The following KRR1 variants were observed in gnomAD, a reference collection of about 807,000 sequenced individuals.
KRR1 encodes KRR1 small subunit processome component homolog.
KRR1 carries 23 observed loss-of-function variants against 50.0 expected under a neutral mutation model. The observed-to-expected ratio is 0.46, with a 90% confidence interval of 0.33 to 0.65. The LOEUF is 0.65. Ranked by LOEUF, KRR1 falls within the 30% of genes least tolerant of loss-of-function variation. The pLI is 0.02. For missense variants in KRR1, 419 were observed against 442.4 expected, an observed-to-expected ratio of 0.95 and a Z score of 0.47; for synonymous variants, 133 against 146.3, an observed-to-expected ratio of 0.91 and a Z score of 0.66.
chr12:75,505,204 G>A lies in KRR1; in HGVS notation c.654C>T (p.Asn218=), dbSNP rs745412282. 1.3e-6 allele frequency: 2 copies of A among 1,560,566 alleles called. No individual in the cohort carries two copies. Among genetic ancestry groups the A allele is most frequent in the Admixed American group, 1.8e-5 (1 of 54,198 alleles). The part of the protein sequence containing the change: ...DTMKNIHPIY[N]IKSLMIKREL... ...ATATATAATTACCACTCACTTTAATGTTATAAATTGGATGAATATTCTTCA... is the reference window on the plus strand; with the variant it reads ...ATATATAATTACCACTCACTTTAATATTATAAATTGGATGAATATTCTTCA... Residue 218 remains asparagine (N), a synonymous_variant, in exon 6 of 10, where the codon AAC becomes AAT. Coordinates refer to ENST00000229214, the MANE Select transcript of KRR1 (RefSeq NM_007043.7).
chr12:75,509,586 C>CT (rs895198427), intron 1 of KRR1, among the ~76,000 whole-genome samples: 30,706 of 131,260 alleles, frequency 0.23, 3,718 homozygotes, highest in South Asian at 0.32. Flanking sequence ...ATACACATTT[C>CT]TTTTTTTTTT....
chr12:75,506,798 C>A lies in KRR1; in HGVS notation c.377G>T (p.Ser126Ile). 1 of 1,611,682 alleles carries A rather than the reference C, an allele frequency of 6.2e-7. No individual in the cohort carries two copies. The highest frequency in any genetic ancestry group is 8.5e-7 in the Non-Finnish European group (1 of 1,179,060). ...TAGATTTACCTGTTCAAATGAAACA[C>A]TCCTTGCTAACAGTTTTATCAGATC... Reference protein sequence around the residue: ...ARDLIKLLARSVSFEQAVRIL... With the variant: ...ARDLIKLLARIVSFEQAVRIL... The change falls in exon 3 of 10, where the codon AGT becomes ATT. Residue 126 changes from serine to isoleucine, a missense_variant. By Grantham distance (142) the Ser-to-Ile change is moderately radical (BLOSUM62 -2). Coordinates refer to ENST00000229214, the MANE Select transcript of KRR1 (RefSeq NM_007043.7).
Position 75,495,929 on chromosome 12 carries a change from A to T in KRR1, c.*3880T>A. On this transcript the variant is annotated 3_prime_UTR_variant, in exon 10 of 10. Coordinates refer to ENST00000229214, the MANE Select transcript of KRR1 (RefSeq NM_007043.7). ...GAAACTGTAGACTAAGATTCCTAAG[A>T]TTTGCTTATTTCAGCAAGATCAAAA... 4.0e-6 allele frequency: 1 copy of T among 251,916 alleles called. No homozygotes were observed. The highest frequency in any genetic ancestry group is 7.5e-6 in the Non-Finnish European group (1 of 132,894). The allele number at this position is 251,916 out of a possible 1,614,324, so 15.6% of individuals were successfully genotyped here.
chr12:75,508,547 A>C, intron 1 of KRR1, 101 bp from the exon 2 acceptor site: 1 of 751,834 alleles, frequency 1.3e-6, no homozygotes. Flanking sequence ...CATCCTATGC[A>C]CATATTCACA....
rs1011021338 is a variant in KRR1 at position 75,494,644 on chromosome 12, A to G, written c.*5165T>C. 3 of 152,246 alleles carry G rather than the reference A, an allele frequency of 2.0e-5. No individual in the cohort carries two copies. The allele number at this position is 152,246 out of a possible 1,614,324, so 9.4% of individuals were successfully genotyped here. A position where few individuals can be genotyped will look rare whatever the true frequency, so the allele number is the denominator to read the frequency against. ...TGTTGAGAAAGAGCCCATAGGCCTCACCAGACTGCCAAAGGGTACGATTAC... is the reference window on the plus strand; with the variant it reads ...TGTTGAGAAAGAGCCCATAGGCCTCGCCAGACTGCCAAAGGGTACGATTAC... On this transcript the variant is annotated 3_prime_UTR_variant, in exon 10 of 10. Transcript: ENST00000229214.
At chr12:75,501,865 A>ATT in intron 8 of KRR1, 49 bp from the exon 9 acceptor site, 1 of 1,580,518 alleles carries the variant, frequency 6.3e-7, no homozygotes, top group Non-Finnish European at 8.7e-7. Flanking sequence ...TTATAGTTAA[A>ATT]TAATTCAAGT....
rs1201510151 is a variant in KRR1, at chr12:75,498,824, G to C, written c.*985C>G. 3.1e-6 allele frequency: 5 copies of C among 1,611,830 alleles called. No homozygotes were observed. Among genetic ancestry groups the C allele is most frequent in the Non-Finnish European group, 4.2e-6 (5 of 1,178,458 alleles). On this transcript the variant is annotated 3_prime_UTR_variant, in exon 10 of 10. Transcript: ENST00000229214. Reference sequence around the variant, plus strand: ...AGGATATTCTATGTTTGTTTCACAGGTTACTACTCTGTTGTATATCCAGGC... The same window carrying C: ...AGGATATTCTATGTTTGTTTCACAGCTTACTACTCTGTTGTATATCCAGGC...
At position 75,501,768 on chromosome 12, in the gene KRR1, CTT is replaced by C; in HGVS notation, c.956_957del (p.Lys319SerfsTer6). 1 of 1,610,994 alleles carries C rather than the reference CTT, an allele frequency of 6.2e-7. No individual in the cohort carries two copies. The highest frequency in any genetic ancestry group is 8.5e-7 in the Non-Finnish European group (1 of 1,178,394). On this transcript the variant is annotated frameshift_variant, in exon 9 of 10. Coordinates refer to ENST00000229214, the MANE Select transcript of KRR1 (RefSeq NM_007043.7). LOFTEE classifies it high-confidence loss of function. ...AISKRQEERN[K>X]AFIPPKEKPI... ...GGTTTTTCCTTAGGTGGAATAAATG[CTT>C]TGTTTCTTTCCTCTTGTCTCTTACT...
intron 3 of KRR1, 56 bp downstream of exon 3, chr12:75,506,726 T>A: frequency 1.3e-6 from 2 of 1,566,158 alleles, no homozygotes; most frequent in Admixed American, 4.1e-5. Flanking sequence ...GATGGTGGGA[T>A]GTTATAGGTT....
rs757431564 is a variant in KRR1, at chr12:75,501,995, A to G, written c.837T>C (p.Asp279=). 1 of 1,610,768 alleles carries G rather than the reference A, an allele frequency of 6.2e-7. No individual in the cohort carries two copies. Among genetic ancestry groups the G allele is most frequent in the East Asian group, 2.2e-5 (1 of 44,814 alleles). ...FPPPQPESQI[D]KELASGEYFL... Reference sequence around the variant, plus strand: ...AGTATTCACCACTAGCCAATTCTTTATCGATCTGTTGAAAACGGTATTTAC... The same window carrying G: ...AGTATTCACCACTAGCCAATTCTTTGTCGATCTGTTGAAAACGGTATTTAC... Residue 279 remains aspartate, a synonymous_variant, in exon 8 of 10, where the codon GAT becomes GAC. Transcript: ENST00000229214.
chr12:75,502,062 G>T (rs1472310031), intron 7 of KRR1, 62 bp from the exon 8 acceptor site: 7 of 1,337,022 alleles, frequency 5.2e-6, no homozygotes, highest in South Asian at 1.2e-5. Context: ...CATGTCCTAA[G>T]CAAGTCACAA....
chr12:75,498,705 C>A lies in KRR1; in HGVS notation c.*1104G>T. The A allele has an allele frequency of 1.2e-6, 2 of 1,612,208 alleles. No homozygotes were observed. The highest frequency in any genetic ancestry group is 1.7e-6 in the Non-Finnish European group (2 of 1,178,560). On this transcript the variant is annotated 3_prime_UTR_variant, in exon 10 of 10. Transcript: ENST00000229214. ...CCCTAACTTTACAGTTAACCGACAG[C>A]GAGACCAAGTCAAACGTACGTACAT... is the stretch of plus-strand genomic sequence containing the variant.
rs1044496805 is a variant in KRR1 at position 75,492,507 on chromosome 12, T to C, written c.*7302A>G. Reference sequence around the variant, plus strand: ...CAGGACCCATCACTTAGAGTAGCTATGAAAGTGACAAGAGAAGGCTTTGTA... The same window carrying C: ...CAGGACCCATCACTTAGAGTAGCTACGAAAGTGACAAGAGAAGGCTTTGTA... On this transcript the variant is annotated 3_prime_UTR_variant, in exon 10 of 10. Transcript: ENST00000229214. The C allele has an allele frequency of 5.3e-5, 8 of 152,218 alleles. No homozygotes were observed. Among genetic ancestry groups the C allele is most frequent in the African/African-American group, 1.9e-4 (8 of 41,456 alleles). 9.4% of individuals were successfully genotyped at this position (152,218 alleles called of 1,614,324 possible). A position where few individuals can be genotyped will look rare whatever the true frequency, so the allele number is the denominator to read the frequency against.
At position 75,499,935 on chromosome 12, in the gene KRR1, T is replaced by A; in HGVS notation, c.1020A>T (p.Lys340Asn). The A allele has an allele frequency of 6.2e-7, 1 of 1,601,888 alleles. No homozygotes were observed. Residue 340 changes from lysine (K) to asparagine (N), a missense_variant, in exon 10 of 10, where the codon AAA becomes AAT. Transcript: ENST00000229214. ...TTTCCTTGATGCTGGCCACATCAAT[T>A]TTAGTTTCAGTAGAAGCTAGACAAA... is the stretch of plus-strand genomic sequence containing the variant. ...VKPKEASTET[K>N]IDVASIKEKV...
intron 6 of KRR1, chr12:75,504,290 G>A (rs765446044): frequency 9.3e-6 from 3 of 320,880 alleles, no homozygotes; most frequent in Non-Finnish European, 1.7e-5. Flanking sequence ...ATGCAGAATT[G>A]TTAAAATGAG....
intron 1 of KRR1, among the ~76,000 whole-genome samples, chr12:75,510,511 G>A (rs984200297): frequency 4.6e-5 from 7 of 152,038 alleles, no homozygotes; most frequent in African/African-American, 1.7e-4. Flanking sequence ...CTAAATCTAA[G>A]AAGACACAGA....
chr12:75,506,931 A>T lies in KRR1; in HGVS notation c.259-15T>A. On this transcript the variant is annotated splice_polypyrimidine_tract_variant and intron_variant, in intron 2 of 9. Coordinates refer to ENST00000229214, the MANE Select transcript of KRR1 (RefSeq NM_007043.7). ...GCATTAACATGCTACAGAAGGAAAG[A>T]GCAAACAAGCAGTTGTCTAAAAATG... is the stretch of plus-strand genomic sequence containing the variant. 6.4e-7 allele frequency: 1 copy of T among 1,569,866 alleles called. No homozygotes were observed. The highest frequency in any genetic ancestry group is 1.2e-5 in the South Asian group (1 of 83,952).
rs774465227 is a variant in KRR1 at position 75,497,763 on chromosome 12, A to G, written c.*2046T>C. 1 of 152,142 alleles carries G rather than the reference A, an allele frequency of 6.6e-6. No individual in the cohort carries two copies. Among genetic ancestry groups the G allele is most frequent in the Non-Finnish European group, 1.5e-5 (1 of 68,036 alleles). 9.4% of individuals were successfully genotyped at this position (152,142 alleles called of 1,614,324 possible). A position where few individuals can be genotyped will look rare whatever the true frequency, so the allele number is the denominator to read the frequency against. On this transcript the variant is annotated 3_prime_UTR_variant, in exon 10 of 10. Coordinates refer to ENST00000229214, the MANE Select transcript of KRR1 (RefSeq NM_007043.7). ...AGATACTGCTGGTAGTTCAATAAAT[A>G]CCCTTGGAGGCCAAATCAGGACTGT...
intron 6 of KRR1, among the ~76,000 whole-genome samples, chr12:75,504,742 G>A (rs913544251): frequency 6.6e-6 from 1 of 151,944 alleles, no homozygotes; most frequent in Non-Finnish European, 1.5e-5. Flanking sequence ...TGCACACAGG[G>A]ATATAACAGT....
Sources: gnomAD v4.1 joint callset for allele counts (sites outside exome capture counted in the v4.1 genomes callset) on GRCh38, gnomAD v4.1.1 for gene constraint, MANE v1.5 for transcripts, NCBI Gene and HGNC (gene_info 2026-07-23, HGNC 2026-07-21) for gene names.